KCNN2: variants seen among roughly 807,000 people sequenced by gnomAD.
The protein encoded by KCNN2 is potassium calcium-activated channel subfamily N member 2.
A neutral mutation model predicts 55.5 loss-of-function variants in KCNN2; 24 were observed. The ratio of observed to expected loss-of-function variants is 0.43; its 90% CI spans 0.31 to 0.61. The LOEUF is 0.61. Ranked by LOEUF, KCNN2 falls within the 20% of genes least tolerant of loss-of-function variation. KCNN2 has a pLI of 0.08. For synonymous variants in KCNN2, 431 were observed against 336.1 expected (o/e 1.28, Z -3.09); for missense variants, 754 against 853.6 (o/e 0.88, Z 1.45).
chr5:114,435,510 G>A, intron 3 of KCNN2, among the ~76,000 whole-genome samples: 1 of 152,044 alleles, frequency 6.6e-6, no homozygotes, highest in East Asian at 1.9e-4. Context: ...ATTCTATCAG[G>A]TGGATTGTGT....
chr5:114,319,992 C>T (rs1215470905), intron 2 of KCNN2, among the ~76,000 whole-genome samples: 2 of 152,154 alleles, frequency 1.3e-5, no homozygotes, highest in Non-Finnish European at 2.9e-5. Flanking sequence ...TGTTTCACTT[C>T]CTTGAAGCTC....
intron 2 of KCNN2, among the ~76,000 whole-genome samples, chr5:114,223,590 G>C (rs541786046): frequency 2.4e-4 from 37 of 152,240 alleles, no homozygotes; most frequent in African/African-American, 8.7e-4. Context: ...TTAGGCGATA[G>C]AAATCACAGC....
intron 2 of KCNN2, among the ~76,000 whole-genome samples, chr5:114,233,638 C>A (rs1233410937): frequency 6.6e-6 from 1 of 151,836 alleles, no homozygotes; most frequent in Admixed American, 6.6e-5. Flanking sequence ...CACTTTTATT[C>A]TTATAGTGAA....
chr5:114,341,187 G>A (rs1035389143), intron 2 of KCNN2, among the ~76,000 whole-genome samples: 2 of 152,118 alleles, frequency 1.3e-5, no homozygotes, highest in African/African-American at 4.8e-5. Flanking sequence ...GACTCTATAT[G>A]TTAGTTTAAT....
At position 114,185,975 on chromosome 5, in the gene KCNN2, C is replaced by A. The variant is rs115351800; in HGVS notation, c.-270-35505C>A. Among the ~76,000 whole-genome samples the A allele has an allele frequency of 2.8e-3, 431 of 152,270 alleles. 2 individuals carry two copies. Among genetic ancestry groups the A allele is most frequent in the African/African-American group, 9.9e-3 (413 of 41,566 alleles). On this transcript the variant is annotated intron_variant, in intron 1 of 10. Transcript: ENST00000512097. ...TGTGTGATAGTTTAGATGATCTCTG[C>A]AGCTGAGACCTTAATTTTTAAAGCA...
intron 5 of KCNN2, among the ~76,000 whole-genome samples, chr5:114,480,746 A>G (rs918839102): frequency 3.3e-5 from 5 of 152,212 alleles, no homozygotes; most frequent in African/African-American, 9.6e-5. Context: ...CATCACAATA[A>G]CAGAACTAAG....
chr5:114,256,954 G>A (rs1754994378), intron 2 of KCNN2, among the ~76,000 whole-genome samples: 1 of 152,116 alleles, frequency 6.6e-6, no homozygotes, highest in Non-Finnish European at 1.5e-5. Flanking sequence ...ATGTCCCAAA[G>A]AGATTTTCCT....
chr5:114,060,922 A>G (rs556081325), intron 1 of KCNN2, among the ~76,000 whole-genome samples: 4 of 152,372 alleles, frequency 2.6e-5, no homozygotes, highest in African/African-American at 9.6e-5. Flanking sequence ...CTTACTCAGT[A>G]GGGCCAGTGC....
intron 2 of KCNN2, among the ~76,000 whole-genome samples, chr5:114,379,022 ATCT>A (rs1251207137): frequency 6.6e-6 from 1 of 152,100 alleles, no homozygotes; most frequent in African/African-American, 2.4e-5. Flanking sequence ...CATGCAAATA[ATCT>A]TCTCCATTCT....
At chr5:114,282,438 G>C (rs966316026) in intron 2 of KCNN2, among the ~76,000 whole-genome samples, 4 of 152,038 alleles carry the variant, frequency 2.6e-5, no homozygotes, top group Admixed American at 1.3e-4. Context: ...TAGACATTAT[G>C]AATGTCTTTT....
intron 1 of KCNN2, among the ~76,000 whole-genome samples, chr5:114,066,725 G>A (rs1390315850): frequency 7.9e-5 from 12 of 152,114 alleles, no homozygotes; most frequent in African/African-American, 2.7e-4. Flanking sequence ...GACTACAGGC[G>A]CACGCCACCA....
intron 1 of KCNN2, among the ~76,000 whole-genome samples, chr5:114,210,003 T>C (rs903784274): frequency 1.2e-4 from 18 of 152,220 alleles, no homozygotes; most frequent in African/African-American, 4.1e-4. Context: ...AGTTGCCTCA[T>C]GTGCGTGTTC....
At chr5:114,222,033 G>A (rs772751587) in intron 2 of KCNN2, among the ~76,000 whole-genome samples, 3 of 152,140 alleles carry the variant, frequency 2.0e-5, no homozygotes, top group African/African-American at 7.2e-5. Flanking sequence ...AAGTTAAAGT[G>A]CATGGCTAGA....
At chr5:114,357,777 T>A (rs2150042515), upstream of KCNN2, among the ~76,000 whole-genome samples, 1 of 150,206 alleles carries the variant, frequency 6.7e-6, no homozygotes, top group East Asian at 2.0e-4. Context: ...CATGTGTCTT[T>A]ATAGCAGCAT....
intron 1 of KCNN2, among the ~76,000 whole-genome samples, chr5:114,207,810 G>A (rs1396763100): frequency 3.3e-5 from 5 of 152,188 alleles, no homozygotes; most frequent in Non-Finnish European, 5.9e-5. Flanking sequence ...CACCAAAGTT[G>A]TCCAGCCCTT....
intron 3 of KCNN2, among the ~76,000 whole-genome samples, chr5:114,455,478 G>T (rs965088701): frequency 6.6e-6 from 1 of 152,096 alleles, no homozygotes; most frequent in African/African-American, 2.4e-5. Context: ...CTTTTATCTG[G>T]CTTTCCTATT....
chr5:114,147,249 T>G (rs1378994696), intron 1 of KCNN2, among the ~76,000 whole-genome samples: 1 of 152,158 alleles, frequency 6.6e-6, no homozygotes, highest in Non-Finnish European at 1.5e-5. Flanking sequence ...TTGAAAGAAT[T>G]TTGGCTTAGG....
Position 114,473,143 on chromosome 5 carries a change from G to A in KCNN2, c.1869G>A (p.Met623Ile). 1 of 1,604,338 alleles carries A rather than the reference G, an allele frequency of 6.2e-7. No homozygotes were observed. Among genetic ancestry groups the A allele is most frequent in the East Asian group, 2.2e-5 (1 of 44,666 alleles). ...AAAAACACGTGCACAATTTCATGAT[G>A]GATACTCAGCTGACTAAAAGAGTAA... Reference protein sequence around the residue: ...KAEKHVHNFMMDTQLTKRVKN... With the variant: ...KAEKHVHNFMIDTQLTKRVKN... The change falls in exon 5 of 8, where the codon ATG (methionine) becomes ATA (isoleucine). Residue 623 changes from methionine to isoleucine, a missense_variant. Met to Ile is a conservative substitution (Grantham distance 10, BLOSUM62 1). Coordinates refer to ENST00000673685, the MANE Select transcript of KCNN2 (RefSeq NM_021614.4).
Position 114,315,958 on chromosome 5 carries a change from G to A in KCNN2, c.-184-44987G>A, listed in dbSNP as rs1756492615. Among the ~76,000 whole-genome samples, 3 of 102,728 alleles carry A rather than the reference G, an allele frequency of 2.9e-5. No individual in the cohort carries two copies. The South Asian group carries it at 1.1e-3, about 38-fold the overall frequency. The allele number at this position is 102,728 out of a possible 152,430, so 67.4% of individuals were successfully genotyped here. A position where few individuals can be genotyped will look rare whatever the true frequency, so the allele number is the denominator to read the frequency against. On this transcript the variant is annotated intron_variant, in intron 2 of 10. Transcript: ENST00000512097. ...ATCAGATATTGTCCTGAGGATGGGA[G>A]TTGGAAGGAGGCAAAAAAAACCATT... is the stretch of plus-strand genomic sequence containing the variant.
Sources: allele counts gnomAD v4.1 joint callset (sites outside exome capture counted in the v4.1 genomes callset), GRCh38; gene constraint gnomAD v4.1.1; transcripts MANE v1.5; gene names NCBI Gene and HGNC (gene_info 2026-07-23, HGNC 2026-07-21).